BAIAP2L1: variants seen among roughly 807,000 people sequenced by gnomAD.
BAIAP2L1 encodes the protein BAR/IMD domain containing adaptor protein 2 like 1.
A neutral mutation model predicts 66.3 loss-of-function variants in BAIAP2L1; 35 were observed. The observed-to-expected ratio is 0.53, with a 90% CI of 0.40 to 0.70. The LOEUF (loss-of-function observed/expected upper bound fraction) is 0.70. Among genes scored for constraint, BAIAP2L1 ranks in the 30% least tolerant of loss-of-function variants. The pLI is 0.00. For synonymous variants in BAIAP2L1, 269 were observed against 248.7 expected, an observed-to-expected ratio of 1.08 and a Z score of -0.77; for missense variants, 622 against 656.9, an observed-to-expected ratio of 0.95 and a Z score of 0.58.
At chr7:98,317,684 C>A (rs1801118012) in intron 5 of BAIAP2L1, among the ~76,000 whole-genome samples, 1 of 151,656 alleles carries the variant, frequency 6.6e-6, no homozygotes, top group Non-Finnish European at 1.5e-5. Context: ...CATTTCACAC[C>A]ATCCTTACAC....
chr7:98,309,717 C>T (rs1011989226), intron 9 of BAIAP2L1: 3 of 152,340 alleles, frequency 2.0e-5, no homozygotes, highest in Admixed American at 2.0e-4. Context: ...CCGCAACCTT[C>T]ACACCATGGG....
chr7:98,388,249 AAAG>A (rs1324150500), intron 1 of BAIAP2L1, among the ~76,000 whole-genome samples: 1 of 152,252 alleles, frequency 6.6e-6, no homozygotes, highest in Non-Finnish European at 1.5e-5. Flanking sequence ...ACATCAAATG[AAAG>A]AATAGGGCAT....
chr7:98,320,420 C>T, intron 3 of BAIAP2L1, 122 bp from the exon 4 acceptor site: 2 of 691,624 alleles, frequency 2.9e-6, no homozygotes, highest in Non-Finnish European at 4.9e-6. Context: ...GCTGCAACCT[C>T]CGCCTCCCGG....
chr7:98,388,109 T>C (rs1263896664), intron 1 of BAIAP2L1, among the ~76,000 whole-genome samples: 2 of 152,182 alleles, frequency 1.3e-5, no homozygotes, highest in African/African-American at 4.8e-5. Context: ...ACGCTATGCC[T>C]ACTAACAGTT....
intron 5 of BAIAP2L1, among the ~76,000 whole-genome samples, chr7:98,318,097 C>G (rs1801134048): frequency 6.6e-6 from 1 of 152,138 alleles, no homozygotes; most frequent in African/African-American, 2.4e-5. Flanking sequence ...ACCATCCACA[C>G]ACTGGTTAGA....
chr7:98,333,194 A>G (rs541667468), intron 3 of BAIAP2L1, among the ~76,000 whole-genome samples: 1 of 152,312 alleles, frequency 6.6e-6, no homozygotes, highest in African/African-American at 2.4e-5. Context: ...AGACTTGTTT[A>G]TCTGTCCACC....
At chr7:98,355,199 C>G (rs1211351273) in intron 2 of BAIAP2L1, 71 bp from the exon 3 acceptor site, 1 of 1,051,190 alleles carries the variant, frequency 9.5e-7, no homozygotes, top group African/African-American at 1.6e-5. Flanking sequence ...AAGTTTTCTT[C>G]CAAACACCCC....
chr7:98,370,372 CAAA>C (rs397890051), intron 1 of BAIAP2L1, among the ~76,000 whole-genome samples: 7 of 103,358 alleles, frequency 6.8e-5, no homozygotes, highest in Non-Finnish European at 9.0e-5. Flanking sequence ...GGCTCCGTCT[CAAA>C]AAAAAAAAAA....
rs568301501 is a variant in BAIAP2L1, at chr7:98,385,514, G to A, written c.51+15288C>T. On this transcript the variant is annotated intron_variant, in intron 1 of 13. Transcript: ENST00000005260. Reference sequence around the variant, plus strand: ...CTGCTCACTGCAGCCTCGACCTCCCGGACTCAAGCGATTCAGCCTCCAGAG... The same window carrying A: ...CTGCTCACTGCAGCCTCGACCTCCCAGACTCAAGCGATTCAGCCTCCAGAG... Among the ~76,000 whole-genome samples, 22 of 151,862 alleles carry A rather than the reference G, an allele frequency of 1.4e-4. 1 individual carries two copies. The highest frequency in any genetic ancestry group is 7.2e-4 in the Admixed American group (11 of 15,214).
rs930504824 is a variant in BAIAP2L1 at position 98,323,789 on chromosome 7, C to T, written c.215-3491G>A. Among the ~76,000 whole-genome samples the T allele has an allele frequency of 4.6e-5, 7 of 152,184 alleles. No homozygotes were observed. In the East Asian group the frequency reaches 7.7e-4, roughly 17 times the overall value. On this transcript the variant is annotated intron_variant, in intron 3 of 13. Coordinates refer to ENST00000005260, the MANE Select transcript of BAIAP2L1 (RefSeq NM_018842.5). Reference sequence around the variant, plus strand: ...AGATGCCGACCTCACAGCAGCTGGCCGCCGCGGAGTCAGCGGTCACAGAAA... The same window carrying T: ...AGATGCCGACCTCACAGCAGCTGGCTGCCGCGGAGTCAGCGGTCACAGAAA...
chr7:98,309,883 T>G (rs1800805746), intron 9 of BAIAP2L1: 1 of 149,530 alleles, frequency 6.7e-6, no homozygotes, highest in African/African-American at 2.7e-5. Flanking sequence ...TTTTTGTCAC[T>G]GTGTCACCCA....
chr7:98,371,268 T>C (rs1802504742), intron 1 of BAIAP2L1, among the ~76,000 whole-genome samples: 1 of 152,218 alleles, frequency 6.6e-6, no homozygotes, highest in East Asian at 1.9e-4. Context: ...AAGGATACTC[T>C]GCCAAACTGG....
chr7:98,303,436 G>T (rs1175087889), intron 12 of BAIAP2L1, among the ~76,000 whole-genome samples: 1 of 152,198 alleles, frequency 6.6e-6, no homozygotes, highest in Non-Finnish European at 1.5e-5. Flanking sequence ...ACCCAGCCCG[G>T]GAGTGATGTC....
In BAIAP2L1 at chr7:98,361,785, G is replaced by A. The variant is rs113540087; in HGVS notation, c.127+572C>T. On this transcript the variant is annotated intron_variant, in intron 2 of 13. Transcript: ENST00000005260. ...GACCCTTACTCTGTTGCTCAGGCTG[G>A]GGTGCAGTGGCACTATCACAGCTCA... Among the ~76,000 whole-genome samples, 699 of 151,798 alleles carry A rather than the reference G, an allele frequency of 4.6e-3. 11 individuals are homozygous for A. The highest frequency in any genetic ancestry group is 0.016 in the African/African-American group (659 of 41,396).
chr7:98,306,566 G>A lies in BAIAP2L1; in HGVS notation c.1164-50C>T, dbSNP rs200799373. 1.1e-3 allele frequency: 1,801 copies of A among 1,613,498 alleles called. 2 individuals are homozygous for A. The highest frequency in any genetic ancestry group is 1.4e-3 in the Non-Finnish European group (1,626 of 1,179,668). On this transcript the variant is annotated intron_variant, in intron 10 of 13. Transcript: ENST00000005260. ...CCCTATCAGCAGTAGACATGTGGACGGCAACCTCCCTGAACAACCTGGTGA... is the reference window on the plus strand; with the variant it reads ...CCCTATCAGCAGTAGACATGTGGACAGCAACCTCCCTGAACAACCTGGTGA...
chr7:98,299,185 T>G (rs1800315890), intron 12 of BAIAP2L1, among the ~76,000 whole-genome samples: 1 of 151,718 alleles, frequency 6.6e-6, no homozygotes, highest in South Asian at 2.1e-4. Context: ...CCAGCTAATT[T>G]TTTTTGTATT....
At chr7:98,399,109 G>C (rs890030274) in intron 1 of BAIAP2L1, among the ~76,000 whole-genome samples, 2 of 152,148 alleles carry the variant, frequency 1.3e-5, no homozygotes, top group Middle Eastern at 3.2e-3. Flanking sequence ...AACGTCTTCC[G>C]GGTCATTTAA....
chr7:98,319,569 T>C (rs1048861675), intron 5 of BAIAP2L1, among the ~76,000 whole-genome samples: 21 of 145,758 alleles, frequency 1.4e-4, no homozygotes, highest in Non-Finnish European at 2.7e-4. Flanking sequence ...TTTTTTGAGA[T>C]GGAGTCTTGC....
chr7:98,292,845 C>CAGGA lies in BAIAP2L1; in HGVS notation c.*675_*676insTCCT. 6.9e-7 allele frequency: 1 copy of CAGGA among 1,458,988 alleles called. No individual in the cohort carries two copies. Among genetic ancestry groups the CAGGA allele is most frequent in the South Asian group, 1.5e-5 (1 of 68,292 alleles). 90.4% of individuals were successfully genotyped at this position (1,458,988 alleles called of 1,614,324 possible). A position where few individuals can be genotyped will look rare whatever the true frequency, so the allele number is the denominator to read the frequency against. ...CCGTGTGCAGCGAATCCGTTGGCGA[C>CAGGA]TCCTAACTACCAAGAAAAGGAGCTC... is the stretch of plus-strand genomic sequence containing the variant. On this transcript the variant is annotated 3_prime_UTR_variant, in exon 14 of 14. Coordinates refer to ENST00000005260, the MANE Select transcript of BAIAP2L1 (RefSeq NM_018842.5).
Sources: gnomAD v4.1 joint callset for allele counts (sites outside exome capture counted in the v4.1 genomes callset) on GRCh38, gnomAD v4.1.1 for gene constraint, MANE v1.5 for transcripts, NCBI Gene and HGNC (gene_info 2026-07-23, HGNC 2026-07-21) for gene names.